The following LAMP2 variants were observed in gnomAD, a reference collection of about 807,000 sequenced individuals.
The protein encoded by LAMP2 is lysosome associated membrane protein 2.
Under a neutral mutation model 25.6 loss-of-function variants are expected in LAMP2, and 4 were observed. That is an observed-to-expected ratio of 0.16 (90% CI 0.08 to 0.36). The LOEUF is 0.36. Among genes scored for constraint, LAMP2 ranks in the 10% least tolerant of loss-of-function variants. The probability of loss-of-function intolerance (pLI) is 1.00; values close to 1 mark genes in which losing one functional copy is unlikely to be tolerated. For synonymous variants in LAMP2, 108 were observed against 112.7 expected, an observed-to-expected ratio of 0.96 and a Z score of 0.27; for missense variants, 272 against 301.4, an observed-to-expected ratio of 0.90 and a Z score of 0.72.
At chrX:120,432,609 T>C (rs910556700) in intron 8 of LAMP2, among the ~76,000 whole-genome samples, 4 of 111,217 alleles carry the variant, frequency 3.6e-5, no homozygotes, top group African/African-American at 1.3e-4. Flanking sequence ...CAAACGGATG[T>C]AGGGGGTGTA....
intron 8 of LAMP2, chrX:120,438,876 T>A: frequency 1.1e-6 from 1 of 874,041 alleles, no homozygotes; most frequent in Middle Eastern, 5.4e-4. Context: ...ATGAAAACAC[T>A]GAAATACTAA....
intron 1 of LAMP2, among the ~76,000 whole-genome samples, chrX:120,468,605 C>A (rs149274464): frequency 2.1e-4 from 23 of 110,766 alleles, no homozygotes; most frequent in African/African-American, 6.9e-4. Context: ...TCCTATCTGT[C>A]CCATCTGTCC....
At chrX:120,453,092 T>C (rs1222100115) in intron 3 of LAMP2, among the ~76,000 whole-genome samples, 1 of 111,271 alleles carries the variant, frequency 9.0e-6, no homozygotes, top group Non-Finnish European at 1.9e-5. Context: ...AGCATTTAGC[T>C]TTGTCTCCCC....
Position 120,428,980 on chromosome X carries a change from G to T in LAMP2, c.*2343C>A. On this transcript the variant is annotated 3_prime_UTR_variant, in exon 9 of 9. Coordinates refer to ENST00000200639, the MANE Select transcript of LAMP2 (RefSeq NM_002294.3). ...GTATTTCCCTACTCTCTTTCTCTTCGTCACACCTATAATTAAAGTATAAAT... is the reference window on the plus strand; with the variant it reads ...GTATTTCCCTACTCTCTTTCTCTTCTTCACACCTATAATTAAAGTATAAAT... The T allele has an allele frequency of 4.4e-6, 3 of 679,340 alleles. No individual in the cohort carries two copies. The South Asian group carries it at 2.3e-4, about 52-fold the overall frequency. 56.0% of individuals were successfully genotyped at this position (679,340 alleles called of 1,213,427 possible). A position where few individuals can be genotyped will look rare whatever the true frequency, so the allele number is the denominator to read the frequency against.
At chrX:120,447,524 C>T (rs113449987) in intron 5 of LAMP2, among the ~76,000 whole-genome samples, 2 of 110,091 alleles carry the variant, frequency 1.8e-5, no homozygotes, top group Admixed American at 9.7e-5. Context: ...CTGGCTAACA[C>T]GGTAAAACCC....
In LAMP2 at chrX:120,429,429, A is replaced by G. The variant is rs903504008; in HGVS notation, c.*1894T>C. 8.9e-6 allele frequency: 5 copies of G among 560,069 alleles called. No homozygotes were observed. The Admixed American group carries it at 2.7e-4, about 31-fold the overall frequency. 46.2% of individuals were successfully genotyped at this position (560,069 alleles called of 1,213,427 possible). A position where few individuals can be genotyped will look rare whatever the true frequency, so the allele number is the denominator to read the frequency against. On this transcript the variant is annotated 3_prime_UTR_variant, in exon 9 of 9. Transcript: ENST00000200639. ...AAGGGGATAATAATACCTATAAGGT[A>G]TTTGAGGATTAAATACAATTACATT...
intron 8 of LAMP2, among the ~76,000 whole-genome samples, chrX:120,433,405 T>C (rs2058530949): frequency 9.0e-6 from 1 of 111,278 alleles, no homozygotes; most frequent in Non-Finnish European, 1.9e-5. Flanking sequence ...CAAGAAAGGA[T>C]AGCTTAAGGT....
rs749338632 is a variant in LAMP2, at chrX:120,431,440, G to A, written c.1116C>T (p.Asp372=). ...YSTAQDCSAD[D]DNFLVPIAVG... ...CCGCTATGGGCACAAGGAAGTTGTCGTCATCTGCACTGCAGTCTTGAGCTA... is the reference window on the plus strand; with the variant it reads ...CCGCTATGGGCACAAGGAAGTTGTCATCATCTGCACTGCAGTCTTGAGCTA... Residue 372 remains aspartate, a synonymous_variant, in exon 9 of 9, where the codon GAC becomes GAT. Transcript: ENST00000200639. The A allele has an allele frequency of 5.8e-6, 7 of 1,208,512 alleles. No homozygotes were observed. Among genetic ancestry groups the A allele is most frequent in the East Asian group, 3.0e-5 (1 of 33,798 alleles).
At chrX:120,449,942 G>A (rs1377077334) in intron 3 of LAMP2, among the ~76,000 whole-genome samples, 1 of 111,640 alleles carries the variant, frequency 9.0e-6, no homozygotes, top group South Asian at 3.8e-4. Flanking sequence ...TGGGGCAGTA[G>A]AAAGAGAGCA....
At position 120,465,494 on chromosome X, in the gene LAMP2, C is replaced by T. The variant is rs538355060; in HGVS notation, c.64+3612G>A. On this transcript the variant is annotated intron_variant, in intron 1 of 8. Coordinates refer to ENST00000200639, the MANE Select transcript of LAMP2 (RefSeq NM_002294.3). ...ACCTCTAAATCATATAGCTTCTCTT[C>T]GGAAAGTTGTCTGGTCAGTTACAAT... Among the ~76,000 whole-genome samples the T allele has an allele frequency of 3.6e-5, 4 of 112,144 alleles. No individual in the cohort carries two copies. The South Asian group carries it at 1.1e-3, about 31-fold the overall frequency.
intron 6 of LAMP2, among the ~76,000 whole-genome samples, chrX:120,444,501 T>C (rs1362513423): frequency 9.0e-6 from 1 of 111,047 alleles, no homozygotes; most frequent in East Asian, 2.8e-4. Context: ...ATCAGACCCA[T>C]CCTTGAAGGC....
rs775818330 is a variant in LAMP2 at position 120,459,245 on chromosome X, T to G, written c.65-2476A>C. On this transcript the variant is annotated intron_variant, in intron 1 of 8. Transcript: ENST00000200639. ...CTCAAAGATGGATTTTGCTCGCTTT[T>G]TGGCTGCCCCAAATCTGAAACACCC... Among the ~76,000 whole-genome samples, 101 of 112,189 alleles carry G rather than the reference T, an allele frequency of 9.0e-4. 1 individual carries two copies. The highest frequency in any genetic ancestry group is 9.2e-4 in the Non-Finnish European group (49 of 53,231).
At chrX:120,454,934 G>GATATATAGAT (rs759566795) in intron 3 of LAMP2, among the ~76,000 whole-genome samples, 1 of 81,661 alleles carries the variant, frequency 1.2e-5, no homozygotes, top group African/African-American at 4.9e-5. Context: ...CACACACTAG[G>GATATATAGAT]ATATATATAT....
chrX:120,429,225 A>G lies in LAMP2; in HGVS notation c.*2098T>C. 1 of 750,209 alleles carries G rather than the reference A, an allele frequency of 1.3e-6. No individual in the cohort carries two copies. The highest frequency in any genetic ancestry group is 1.6e-6 in the Non-Finnish European group (1 of 639,061). The allele number at this position is 750,209 out of a possible 1,213,427, so 61.8% of individuals were successfully genotyped here. A position where few individuals can be genotyped will look rare whatever the true frequency, so the allele number is the denominator to read the frequency against. On this transcript the variant is annotated 3_prime_UTR_variant, in exon 9 of 9. Transcript: ENST00000200639. ...CTGAGCGGTGGCCTGGAAGAATAAC[A>G]GCAGTATCTAATGCGTTGCAGTCCA...
At position 120,442,354 on chromosome X, in the gene LAMP2, T is replaced by C. The variant is rs73639314; in HGVS notation, c.928+245A>G. 0.072 allele frequency among the ~76,000 whole-genome samples: 7,948 copies of C among 110,911 alleles called. 711 individuals carry two copies. Among genetic ancestry groups the C allele is most frequent in the African/African-American group, 0.24 (7,351 of 30,261 alleles). ...GGTTCCCTTATCTTTCTATAGATGT[T>C]TCTATAGTCTAAAAATCAGTCATAT... On this transcript the variant is annotated intron_variant, in intron 7 of 8. Coordinates refer to ENST00000200639, the MANE Select transcript of LAMP2 (RefSeq NM_002294.3).
Position 120,429,280 on chromosome X carries a change from T to C in LAMP2, c.*2043A>G. The C allele has an allele frequency of 6.7e-6, 5 of 746,578 alleles. No homozygotes were observed. Among genetic ancestry groups the C allele is most frequent in the Non-Finnish European group, 7.8e-6 (5 of 637,316 alleles). The allele number at this position is 746,578 out of a possible 1,213,427, so 61.5% of individuals were successfully genotyped here. A position where few individuals can be genotyped will look rare whatever the true frequency, so the allele number is the denominator to read the frequency against. ...ACCGAACCACCAGGAAAGCAACATG[T>C]GCAATGTAGATTTTGAGTTCTGGAT... is the stretch of plus-strand genomic sequence containing the variant. On this transcript the variant is annotated 3_prime_UTR_variant, in exon 9 of 9. Transcript: ENST00000200639.
chrX:120,433,737 C>T (rs1044869619), intron 8 of LAMP2, among the ~76,000 whole-genome samples: 4 of 111,693 alleles, frequency 3.6e-5, no homozygotes, highest in African/African-American at 1.3e-4. Flanking sequence ...TGTCTTGTTG[C>T]CCTAGTTCTC....
intron 2 of LAMP2, 44 bp from the exon 3 acceptor site, chrX:120,455,614 A>G (rs1921060752): frequency 2.1e-6 from 2 of 971,349 alleles, no homozygotes; most frequent in Admixed American, 2.2e-5. Context: ...AACAGGCAGC[A>G]AGGAACACCA....
chrX:120,456,711 G>A lies in LAMP2; in HGVS notation c.123C>T (p.Cys41=). ...LNLTDSENAT[C]LYAKWQMNFT... is the part of the protein sequence containing the mutation. ...AATTCATCTGCCATTTTGCATAAAG[G>A]CAAGTGGCATTTTCTGAATCTGTCA... is the stretch of plus-strand genomic sequence containing the variant. The change falls in exon 2 of 9, where the codon TGC becomes TGT. Residue 41 remains cysteine, a synonymous_variant. Transcript: ENST00000200639. 8 of 1,193,396 alleles carry A rather than the reference G, an allele frequency of 6.7e-6. No individual in the cohort carries two copies. Among genetic ancestry groups the A allele is most frequent in the Non-Finnish European group, 7.9e-6 (7 of 882,326 alleles).
Sources: allele counts gnomAD v4.1 joint callset (sites outside exome capture counted in the v4.1 genomes callset), GRCh38; gene constraint gnomAD v4.1.1; transcripts MANE v1.5; gene names NCBI Gene and HGNC (gene_info 2026-07-23, HGNC 2026-07-21).